The following DYNLRB2 variants were observed in gnomAD, a reference collection of about 807,000 sequenced individuals.
DYNLRB2 encodes bithoraxoid-like protein.
A neutral mutation model predicts 12.6 loss-of-function variants in DYNLRB2; 14 were observed. The ratio of observed to expected loss-of-function variants is 1.11; its 90% CI spans 0.73 to 1.73. The LOEUF (loss-of-function observed/expected upper bound fraction) is 1.73, where lower values mean the gene tolerates loss of function less well. DYNLRB2 is among the 40% of genes most tolerant of loss of function. DYNLRB2 has a pLI of 0.00. For missense variants in DYNLRB2, 142 were observed against 117.7 expected (o/e 1.21, Z -0.95); for synonymous variants, 53 against 37.0 (o/e 1.43, Z -1.57).
chr16:80,550,768 C>T lies in DYNLRB2; in HGVS notation c.*210C>T, dbSNP rs562227411. 1.4e-5 allele frequency: 8 copies of T among 587,528 alleles called. No individual in the cohort carries two copies. Among genetic ancestry groups the T allele is most frequent in the African/African-American group, 7.4e-5 (4 of 53,812 alleles). The allele number at this position is 587,528 out of a possible 1,614,324, so 36.4% of individuals were successfully genotyped here. On this transcript the variant is annotated 3_prime_UTR_variant, in exon 4 of 4. Transcript: ENST00000305904. ...TACAATAAGTGAATTCTGGTATATA[C>T]GTCTCTATTGTCTTATAATACACAA...
At chr16:80,550,473 A>G (rs949193331) in intron 3 of DYNLRB2, 42 bp from the exon 4 acceptor site, 4 of 1,610,824 alleles carry the variant, frequency 2.5e-6, no homozygotes, top group Non-Finnish European at 3.4e-6. Flanking sequence ...CCTTGATTAA[A>G]TTTAAATTAA....
intron 1 of DYNLRB2, among the ~76,000 whole-genome samples, chr16:80,541,864 C>A (rs1471447997): frequency 6.6e-6 from 1 of 152,174 alleles, no homozygotes; most frequent in Non-Finnish European, 1.5e-5. Flanking sequence ...AATTATTGAT[C>A]CCCTGTTCAA....
intron 2 of DYNLRB2, among the ~76,000 whole-genome samples, chr16:80,545,779 C>G (rs562777966): frequency 6.4e-4 from 94 of 147,308 alleles, no homozygotes; most frequent in African/African-American, 2.2e-3. Flanking sequence ...TGGTTCACGC[C>G]ATTCTCCTGC....
At chr16:80,546,264 C>A in intron 2 of DYNLRB2, among the ~76,000 whole-genome samples, 1 of 152,242 alleles carries the variant, frequency 6.6e-6, no homozygotes, top group East Asian at 1.9e-4. Flanking sequence ...TATTTCAGTG[C>A]AGCTTTGTAG....
intron 2 of DYNLRB2, among the ~76,000 whole-genome samples, chr16:80,545,101 C>T (rs541470634): frequency 2.9e-4 from 44 of 152,258 alleles, no homozygotes; most frequent in African/African-American, 9.9e-4. Flanking sequence ...ACAGCCAGAA[C>T]CACTCATCTA....
intron 2 of DYNLRB2, among the ~76,000 whole-genome samples, chr16:80,543,743 G>C (rs7196394): frequency 0.92 from 140,888 of 152,332 alleles, 65,443 homozygotes; most frequent in Non-Finnish European, 0.98. Flanking sequence ...GAATTTCAGT[G>C]TTTATTTTAA....
At chr16:80,542,222 T>C (rs1904294374) in intron 1 of DYNLRB2, among the ~76,000 whole-genome samples, 2 of 152,204 alleles carry the variant, frequency 1.3e-5, no homozygotes, top group Non-Finnish European at 2.9e-5. Context: ...CCATTTGTGG[T>C]AGTGACATAC....
At chr16:80,544,995 A>G (rs558838698) in intron 2 of DYNLRB2, among the ~76,000 whole-genome samples, 18 of 152,274 alleles carry the variant, frequency 1.2e-4, no homozygotes, top group African/African-American at 4.3e-4. Flanking sequence ...GTTTCCAAAT[A>G]AGGCCACCTT....
At chr16:80,540,848 ACCTCAGGTGAGCGCCTGCTCC>A (rs1909277251), upstream of DYNLRB2, 1 of 756,582 alleles carries the variant, frequency 1.3e-6, no homozygotes, top group South Asian at 1.5e-5. Context: ...GATTGGGCGA[ACCTCAGGTGAGCGCCTGCTCC>A]CCTCTTCCGC....
chr16:80,540,979 C>A, upstream of DYNLRB2: 1 of 1,575,598 alleles, frequency 6.3e-7, no homozygotes, highest in Non-Finnish European at 8.6e-7. Context: ...TTCCGTGGGG[C>A]CACTTCCTTT....
At chr16:80,548,013 CT>C (rs1378249334) in intron 2 of DYNLRB2, 1 of 342,212 alleles carries the variant, frequency 2.9e-6, no homozygotes, top group African/African-American at 2.2e-5. Context: ...TGGTAAAATC[CT>C]AAGTTTGTAA....
At chr16:80,549,707 AG>A (rs1299978970) in intron 3 of DYNLRB2, 56 bp downstream of exon 3, 25 of 1,517,494 alleles carry the variant, frequency 1.6e-5, no homozygotes, top group Middle Eastern at 1.8e-4. Flanking sequence ...CTAGATTAAA[AG>A]CCTTGTTTCT....
chr16:80,543,763 G>A (rs1597089244), intron 2 of DYNLRB2, among the ~76,000 whole-genome samples: 1 of 152,176 alleles, frequency 6.6e-6, no homozygotes, highest in African/African-American at 2.4e-5. Flanking sequence ...AATGGAACTT[G>A]TTCCTTGAAC....
At chr16:80,548,156 C>A (rs778379238) in intron 2 of DYNLRB2, 22 of 162,904 alleles carry the variant, frequency 1.4e-4, no homozygotes, top group Non-Finnish European at 2.3e-4. Flanking sequence ...AATTTGATAG[C>A]AATTCCAAAT....
chr16:80,542,178 G>A (rs1904293976), intron 1 of DYNLRB2, among the ~76,000 whole-genome samples: 1 of 152,152 alleles, frequency 6.6e-6, no homozygotes, highest in Non-Finnish European at 1.5e-5. Flanking sequence ...TTGTTTTACA[G>A]TTATTTCTAT....
intron 2 of DYNLRB2, chr16:80,547,865 T>C: frequency 1.5e-5 from 7 of 456,512 alleles, no homozygotes; most frequent in South Asian, 9.3e-5. Context: ...TTATGCTTTA[T>C]TTATTGAATA....
chr16:80,540,916 C>T (rs1597085771), upstream of DYNLRB2: 4 of 1,316,604 alleles, frequency 3.0e-6, no homozygotes, highest in Non-Finnish European at 4.3e-6. Flanking sequence ...GCATCAGGAG[C>T]GCGGTCAGGG....
rs752436279 is a variant in DYNLRB2, at chr16:80,543,357, T to C, written c.79+6T>C. 4.3e-6 allele frequency: 7 copies of C among 1,613,662 alleles called. No individual in the cohort carries two copies. In the East Asian group the frequency reaches 1.3e-4, roughly 31 times the overall value. ...TATGGTTGTAAATGCAGAAGGTAAATATATCACAGGCTGTCTTCTTGACAC... is the reference window on the plus strand; with the variant it reads ...TATGGTTGTAAATGCAGAAGGTAAACATATCACAGGCTGTCTTCTTGACAC... On this transcript the variant is annotated splice_donor_region_variant and intron_variant, in intron 2 of 3. Coordinates refer to ENST00000305904, the MANE Select transcript of DYNLRB2 (RefSeq NM_130897.3).
intron 2 of DYNLRB2, chr16:80,548,029 C>G (rs1438913965): frequency 3.1e-6 from 1 of 324,616 alleles, no homozygotes. Flanking sequence ...TTGTAACACT[C>G]TTCCATTCTT....
Sources: allele counts gnomAD v4.1 joint callset (sites outside exome capture counted in the v4.1 genomes callset), GRCh38; gene constraint gnomAD v4.1.1; transcripts MANE v1.5; gene names NCBI Gene and HGNC (gene_info 2026-07-23, HGNC 2026-07-21).